The following INTS1 variants were observed in gnomAD, a reference collection of about 807,000 sequenced individuals.
INTS1 encodes the protein integrator complex subunit 1.
A neutral mutation model predicts 241.6 loss-of-function variants in INTS1; 137 were observed. The ratio of observed to expected loss-of-function variants is 0.57; its 90% CI spans 0.49 to 0.65. The LOEUF (loss-of-function observed/expected upper bound fraction) is 0.65. INTS1 is among the 30% of genes least tolerant of loss of function. The pLI, the probability that INTS1 is intolerant of heterozygous loss-of-function variation, is 0.00. For synonymous variants in INTS1, 1,692 were observed against 1,337.8 expected, an observed-to-expected ratio of 1.26 and a Z score of -5.78; for missense variants, 3,073 against 3,032.2, an observed-to-expected ratio of 1.01 and a Z score of -0.32.
rs1280416095 is a variant in INTS1 at position 1,499,950 on chromosome 7, C to T, written c.618G>A (p.Val206=). ...CGGCCATGAGGAGGTTACAGGCCAGCACAGACACCAGGCTGTTCCCCTTGG... is the reference window on the plus strand; with the variant it reads ...CGGCCATGAGGAGGTTACAGGCCAGTACAGACACCAGGCTGTTCCCCTTGG... The part of the protein sequence containing the change: ...FKAKGNSLVS[V]LACNLLMAAY... Residue 206 remains valine (V), a synonymous_variant, in exon 5 of 48, where the codon GTG becomes GTA. Coordinates refer to ENST00000404767, the MANE Select transcript of INTS1 (RefSeq NM_001080453.3). 4.3e-6 allele frequency: 7 copies of T among 1,613,694 alleles called. No homozygotes were observed. Among genetic ancestry groups the T allele is most frequent in the Non-Finnish European group, 5.9e-6 (7 of 1,179,832 alleles).
intron 39 of INTS1, among the ~76,000 whole-genome samples, chr7:1,475,605 G>A (rs1315378383): frequency 6.6e-6 from 1 of 152,140 alleles, no homozygotes; most frequent in Non-Finnish European, 1.5e-5. Context: ...CGTCCGCCAA[G>A]ACCCGGGCAC....
At position 1,479,567 on chromosome 7, in the gene INTS1, C is replaced by CCTCGGG; in HGVS notation, c.4186_4191dup (p.Pro1396_Glu1397dup). ...AGGACACGCACCGTGATGCCCGGCACCTCGGGGCTGCCCTGGACGACGCGG... is the reference window on the plus strand; with the variant it reads ...AGGACACGCACCGTGATGCCCGGCACCTCGGGCTCGGGGCTGCCCTGGACGACGCGG... On this transcript the variant is annotated inframe_insertion, in exon 31 of 48. Transcript: ENST00000404767. The CCTCGGG allele has an allele frequency of 6.5e-7, 1 of 1,549,180 alleles. No homozygotes were observed. The highest frequency in any genetic ancestry group is 2.4e-5 in the East Asian group (1 of 41,036).
In INTS1 at chr7:1,489,946, G is replaced by A. The variant is rs140880000; in HGVS notation, c.2166-264C>T. Among the ~76,000 whole-genome samples the A allele has an allele frequency of 2.6e-5, 4 of 152,076 alleles. No homozygotes were observed. The East Asian group carries it at 5.8e-4, about 22-fold the overall frequency. ...GAGCGGTGGTGGATACATAATAAAC[G>A]TTCATTAAGTGACAATGATTTTTGT... On this transcript the variant is annotated intron_variant, in intron 16 of 47. Transcript: ENST00000404767.
chr7:1,477,536 T>G lies in INTS1; in HGVS notation c.4938+14A>C. ...CTGGGGTGGGTCCCCGTGCTGAAGC[T>G]GGGTGCCACCCACCTTCCTCCGGGA... On this transcript the variant is annotated intron_variant, in intron 35 of 47. Coordinates refer to ENST00000404767, the MANE Select transcript of INTS1 (RefSeq NM_001080453.3). The G allele has an allele frequency of 6.7e-7, 1 of 1,499,382 alleles. No individual in the cohort carries two copies. The highest frequency in any genetic ancestry group is 8.9e-7 in the Non-Finnish European group (1 of 1,125,560). The allele number at this position is 1,499,382 out of a possible 1,614,324, so 92.9% of individuals were successfully genotyped here. A position where few individuals can be genotyped will look rare whatever the true frequency, so the allele number is the denominator to read the frequency against.
intron 18 of INTS1, among the ~76,000 whole-genome samples, chr7:1,488,697 G>A (rs558408012): frequency 1.3e-5 from 2 of 152,136 alleles, no homozygotes; most frequent in Non-Finnish European, 2.9e-5. Context: ...AGCCTCGGGC[G>A]CCCCTTCACC....
Position 1,478,845 on chromosome 7 carries a change from A to G in INTS1, c.4370T>C (p.Leu1457Pro). The G allele has an allele frequency of 1.9e-6, 3 of 1,610,772 alleles. No individual in the cohort carries two copies. The Middle Eastern group carries it at 5.0e-4, about 267-fold the overall frequency. The change falls in exon 32 of 48, where the codon CTG becomes CCG. Residue 1457 changes from leucine to proline, a missense_variant. By Grantham distance (98) the Leu-to-Pro change is moderately conservative. Transcript: ENST00000404767. ...PQDTGFSSLF[L>P]KVLLQMLQWL... is the part of the protein sequence containing the mutation. ...CTGCAGCATCTGCAGGAGCACCTTC[A>G]GGAAGAGCGAGGAGAAGCCGGTGTC...
chr7:1,477,957 CAT>C, intron 33 of INTS1, 21 bp from the exon 34 acceptor site: 1 of 1,609,316 alleles, frequency 6.2e-7, no homozygotes, highest in Non-Finnish European at 8.5e-7. Flanking sequence ...GACAAAGAGA[CAT>C]GTGGGTCACT....
At chr7:1,474,896 C>T in intron 39 of INTS1, 58 bp from the exon 40 acceptor site, 4 of 1,527,136 alleles carry the variant, frequency 2.6e-6, no homozygotes, top group Non-Finnish European at 3.5e-6. Context: ...TGCCCACCCA[C>T]ACTCAGCCTG....
chr7:1,487,924 A>G lies in INTS1; in HGVS notation c.2352T>C (p.Asp784=). The change falls in exon 19 of 48, where the codon GAT becomes GAC. Residue 784 remains aspartate, a synonymous_variant. Coordinates refer to ENST00000404767, the MANE Select transcript of INTS1 (RefSeq NM_001080453.3). ...TCAGCATCTCCGTCCGGGTCTCCTC[A>G]TCCGTCAGGGTGCACGGTGGGTAGG... ...NYSYPPCTLT[D]EETRTEMLNR... is the part of the protein sequence containing the mutation. 1 of 1,613,336 alleles carries G rather than the reference A, an allele frequency of 6.2e-7. No individual in the cohort carries two copies. Among genetic ancestry groups the G allele is most frequent in the African/African-American group, 1.3e-5 (1 of 75,014 alleles).
At chr7:1,489,445 GGCACCAGGC>G in intron 17 of INTS1, 41 bp from the exon 18 acceptor site, 1 of 1,213,248 alleles carries the variant, frequency 8.2e-7, no homozygotes. Flanking sequence ...GGCTCCCCTG[GGCACCAGGC>G]GTGTGACCCC....
intron 44 of INTS1, 185 bp from the exon 45 acceptor site, chr7:1,471,826 C>T (rs1781480421): frequency 1.6e-6 from 1 of 615,360 alleles, no homozygotes; most frequent in South Asian, 1.9e-5. Context: ...CGGCCCTGCC[C>T]CTACTAGTGG....
chr7:1,472,818 G>A, intron 43 of INTS1, among the ~76,000 whole-genome samples: 1 of 148,274 alleles, frequency 6.7e-6, no homozygotes, highest in Non-Finnish European at 1.5e-5. Context: ...ATGTGCCAGG[G>A]ACGGGGGGGT....
In INTS1 at chr7:1,478,267, GCAGA is replaced by G. The variant is rs1462122815; in HGVS notation, c.4630+95_4630+98del. The G allele has an allele frequency of 3.6e-5, 48 of 1,339,072 alleles. 1 individual carries two copies. In the Admixed American group the frequency reaches 9.1e-4, roughly 25 times the overall value. The allele number at this position is 1,339,072 out of a possible 1,614,324, so 82.9% of individuals were successfully genotyped here. ...GGGCACTTTCCGGGGACAGTGCTGA[GCAGA>G]CACTGTCCGTCCCCCACTGGGCAGC... On this transcript the variant is annotated intron_variant, in intron 33 of 47. Transcript: ENST00000404767.
chr7:1,475,529 G>A (rs1781672129), intron 39 of INTS1, among the ~76,000 whole-genome samples: 1 of 152,154 alleles, frequency 6.6e-6, no homozygotes, highest in Non-Finnish European at 1.5e-5. Flanking sequence ...CCGGCCTGCG[G>A]TGGGGAAGCG....
intron 16 of INTS1, among the ~76,000 whole-genome samples, chr7:1,491,365 G>A (rs764189560): frequency 3.3e-5 from 5 of 152,176 alleles, no homozygotes; most frequent in African/African-American, 9.7e-5. Flanking sequence ...TTTCAACAGC[G>A]GTGCCGGGAC....
chr7:1,498,373 T>G (rs1217031297), intron 10 of INTS1, 39 bp downstream of exon 10: 2 of 1,610,184 alleles, frequency 1.2e-6, no homozygotes, highest in African/African-American at 2.7e-5. Flanking sequence ...GAGCCCCATA[T>G]TCCGGCGTGG....
Position 1,470,660 on chromosome 7 carries a change from G to A in INTS1, c.6490C>T (p.Leu2164=). Residue 2164 remains leucine (L), a synonymous_variant, in exon 48 of 48, where the codon CTG becomes TTG. Coordinates refer to ENST00000404767, the MANE Select transcript of INTS1 (RefSeq NM_001080453.3). ...HAAVLLHRAF[L]VGMYGQMDPS... ...TCCATCTGGCCGTACATGCCCACCA[G>A]GAAGGCCCGGTGGAGCAGCACAGCC... is the stretch of plus-strand genomic sequence containing the variant. 6.3e-7 allele frequency: 1 copy of A among 1,581,404 alleles called. No individual in the cohort carries two copies. The highest frequency in any genetic ancestry group is 8.6e-7 in the Non-Finnish European group (1 of 1,164,702).
Position 1,477,542 on chromosome 7 carries a change from C to A in INTS1, c.4938+8G>T, listed in dbSNP as rs747639587. ...TGGGTCCCCGTGCTGAAGCTGGGTG[C>A]CACCCACCTTCCTCCGGGAGAAGAG... On this transcript the variant is annotated splice_region_variant and intron_variant, in intron 35 of 47. Transcript: ENST00000404767. 1.3e-6 allele frequency: 2 copies of A among 1,507,046 alleles called. No homozygotes were observed. The highest frequency in any genetic ancestry group is 2.8e-5 in the African/African-American group (2 of 71,892). The allele number at this position is 1,507,046 out of a possible 1,614,324, so 93.4% of individuals were successfully genotyped here. A position where few individuals can be genotyped will look rare whatever the true frequency, so the allele number is the denominator to read the frequency against.
chr7:1,478,960 G>A, intron 31 of INTS1, 75 bp from the exon 32 acceptor site: 1 of 1,475,982 alleles, frequency 6.8e-7, no homozygotes, highest in Non-Finnish European at 9.1e-7. Context: ...CCCAGAGCAG[G>A]GCCCGTGAGG....
Sources: allele counts gnomAD v4.1 joint callset (sites outside exome capture counted in the v4.1 genomes callset), GRCh38; gene constraint gnomAD v4.1.1; transcripts MANE v1.5; gene names NCBI Gene and HGNC (gene_info 2026-07-23, HGNC 2026-07-21).